The following WDPCP variants were observed in gnomAD, a reference collection of about 807,000 sequenced individuals.
The protein encoded by WDPCP is WD repeat containing planar cell polarity effector.
WDPCP carries 71 observed loss-of-function variants against 93.1 expected under a neutral mutation model. That is an observed-to-expected ratio of 0.76 (90% CI 0.63 to 0.93). WDPCP has a LOEUF of 0.93. WDPCP is among the 40% of genes least tolerant of loss of function. The probability of loss-of-function intolerance (pLI) is 0.00; values close to 1 mark genes in which losing one functional copy is unlikely to be tolerated. For synonymous variants in WDPCP, 315 were observed against 315.0 expected, an observed-to-expected ratio of 1.00 and a Z score of 0.00; for missense variants, 844 against 887.4, an observed-to-expected ratio of 0.95 and a Z score of 0.62.
At chr2:63,470,185 C>A (rs1699610968) in intron 6 of WDPCP, among the ~76,000 whole-genome samples, 1 of 152,204 alleles carries the variant, frequency 6.6e-6, no homozygotes, top group South Asian at 2.1e-4. Context: ...CTGTCTACAC[C>A]CACTCCTTTG....
intron 2 of WDPCP, among the ~76,000 whole-genome samples, chr2:63,703,570 T>G (rs1272745540): frequency 1.0e-5 from 1 of 96,196 alleles, no homozygotes; most frequent in Admixed American, 1.0e-4. Context: ...GATGGGGTTT[T>G]GTTTTGTTTT....
At chr2:63,336,026 G>T (rs1688340849) in intron 12 of WDPCP, among the ~76,000 whole-genome samples, 1 of 152,168 alleles carries the variant, frequency 6.6e-6, no homozygotes, top group South Asian at 2.1e-4. Flanking sequence ...AAAAGAGGAG[G>T]CATGAATAAT....
chr2:63,228,077 C>T (rs1003742722), intron 14 of WDPCP, among the ~76,000 whole-genome samples: 1 of 151,992 alleles, frequency 6.6e-6, no homozygotes, highest in Non-Finnish European at 1.5e-5. Flanking sequence ...TTAGAAGGCT[C>T]AACATATATG....
At chr2:63,211,356 G>T (rs780584635) in intron 14 of WDPCP, among the ~76,000 whole-genome samples, 6 of 152,184 alleles carry the variant, frequency 3.9e-5, no homozygotes, top group Non-Finnish European at 5.9e-5. Context: ...ACAGGGTCTG[G>T]AGTGGACCTC....
At position 63,612,135 on chromosome 2, in the gene WDPCP, C is replaced by T. The variant is rs144688749; in HGVS notation, n.488+38524G>A. Reference sequence around the variant, plus strand: ...TGATTAACAACGACATTTTACTTCACGTTTTTTGAAGAATAGACCAACTCA... The same window carrying T: ...TGATTAACAACGACATTTTACTTCATGTTTTTTGAAGAATAGACCAACTCA... On this transcript the variant is annotated intron_variant and non_coding_transcript_variant, in intron 3 of 4. Coordinates refer to the WDPCP transcript ENST00000467687. Among the ~76,000 whole-genome samples the T allele has an allele frequency of 1.3e-4, 20 of 152,278 alleles. No individual in the cohort carries two copies. In the East Asian group the frequency reaches 3.3e-3, roughly 25 times the overall value.
At chr2:63,580,180 A>G (rs1302800975) in intron 1 of WDPCP, among the ~76,000 whole-genome samples, 1 of 152,228 alleles carries the variant, frequency 6.6e-6, no homozygotes. Flanking sequence ...GCAGATGAGA[A>G]GGAAAAACTC....
intron 2 of WDPCP, among the ~76,000 whole-genome samples, chr2:63,722,061 C>T (rs1311850197): frequency 2.0e-5 from 3 of 152,070 alleles, no homozygotes; most frequent in Non-Finnish European, 2.9e-5. Context: ...AGTGCAGTGG[C>T]GTGATCTCGG....
At chr2:63,711,040 G>A (rs545906125) in intron 2 of WDPCP, among the ~76,000 whole-genome samples, 50 of 152,252 alleles carry the variant, frequency 3.3e-4, no homozygotes, top group African/African-American at 8.7e-4. Context: ...GATAAGAAAC[G>A]CCAGGTAAAG....
At chr2:63,287,132 A>C (rs1348173028) in intron 13 of WDPCP, among the ~76,000 whole-genome samples, 5 of 152,126 alleles carry the variant, frequency 3.3e-5, no homozygotes, top group Non-Finnish European at 7.3e-5. Context: ...TCTTGTAAGG[A>C]CACCAGTCAT....
chr2:63,216,335 A>C (rs538637814), intron 14 of WDPCP, among the ~76,000 whole-genome samples: 12 of 152,338 alleles, frequency 7.9e-5, no homozygotes, highest in African/African-American at 2.6e-4. Context: ...AGACTGGATT[A>C]AGAAAATGTG....
At chr2:63,354,734 G>GTATA (rs1350585565) in intron 12 of WDPCP, among the ~76,000 whole-genome samples, 2 of 152,054 alleles carry the variant, frequency 1.3e-5, no homozygotes, top group Non-Finnish European at 2.9e-5. Flanking sequence ...GTGTGTGTGT[G>GTATA]TGTATATGTA....
intron 3 of WDPCP, among the ~76,000 whole-genome samples, chr2:63,609,452 C>T (rs1283718772): frequency 6.6e-6 from 1 of 152,114 alleles, no homozygotes; most frequent in Non-Finnish European, 1.5e-5. Flanking sequence ...AGAAAACATG[C>T]TCTTACTCCT....
chr2:63,155,314 G>A (rs1248982166), intron 15 of WDPCP, among the ~76,000 whole-genome samples: 1 of 152,090 alleles, frequency 6.6e-6, no homozygotes, highest in South Asian at 2.1e-4. Context: ...TAATGTGTGA[G>A]GTTTAGTTTG....
At chr2:63,185,051 T>TATG (rs1559183030) in intron 14 of WDPCP, among the ~76,000 whole-genome samples, 1 of 152,362 alleles carries the variant, frequency 6.6e-6, no homozygotes, top group East Asian at 1.9e-4. Context: ...TTCCAAAAGT[T>TATG]ATGTTTGTTC....
At chr2:63,528,731 G>A (rs994466135) in intron 1 of WDPCP, among the ~76,000 whole-genome samples, 1 of 152,136 alleles carries the variant, frequency 6.6e-6, no homozygotes, top group Non-Finnish European at 1.5e-5. Context: ...CTTTAAAGTT[G>A]TTTTTCCAAT....
chr2:63,732,269 T>A (rs1001932419), intron 2 of WDPCP, among the ~76,000 whole-genome samples: 2 of 152,090 alleles, frequency 1.3e-5, no homozygotes, highest in Non-Finnish European at 1.5e-5. Context: ...AAATGGGACA[T>A]AAAGAAGAGT....
intron 1 of WDPCP, among the ~76,000 whole-genome samples, chr2:63,568,695 TA>T (rs1422492232): frequency 1.3e-5 from 2 of 152,154 alleles, no homozygotes; most frequent in Non-Finnish European, 2.9e-5. Flanking sequence ...GCTAGCAACT[TA>T]GAACTTGTTA....
rs532182331 is a variant in WDPCP at position 63,659,786 on chromosome 2, A to G, written n.309-8948T>C. Among the ~76,000 whole-genome samples the G allele has an allele frequency of 2.0e-5, 3 of 152,320 alleles. No individual in the cohort carries two copies. In the South Asian group the frequency reaches 6.2e-4, roughly 32 times the overall value. On this transcript the variant is annotated intron_variant and non_coding_transcript_variant, in intron 2 of 4. Coordinates refer to the WDPCP transcript ENST00000467687. The stretch of plus-strand genomic sequence containing the variant: ...TATATGAGCCCGTGAGCTTCCACAG[A>G]GTATCCTCTAATGGCCACCTCCATC...
intron 12 of WDPCP, among the ~76,000 whole-genome samples, chr2:63,337,052 C>T (rs922675751): frequency 6.6e-6 from 1 of 152,050 alleles, no homozygotes; most frequent in Non-Finnish European, 1.5e-5. Flanking sequence ...TGACACAATG[C>T]CCAGCTAATT....
Sources: gnomAD v4.1 joint callset for allele counts (sites outside exome capture counted in the v4.1 genomes callset) on GRCh38, gnomAD v4.1.1 for gene constraint, MANE v1.5 for transcripts, NCBI Gene and HGNC (gene_info 2026-07-23, HGNC 2026-07-21) for gene names.